The following MYCBP2 variants were observed in gnomAD, a reference collection of about 807,000 sequenced individuals.
The protein encoded by MYCBP2 is MYC binding protein 2.
Under a neutral mutation model 525.3 loss-of-function variants are expected in MYCBP2, and 120 were observed. The ratio of observed to expected loss-of-function variants is 0.23; its 90% CI spans 0.20 to 0.27. The LOEUF is 0.27. Ranked by LOEUF, MYCBP2 falls within the 10% of genes least tolerant of loss-of-function variation. MYCBP2 has a pLI of 1.00. For synonymous variants in MYCBP2, 1,894 were observed against 1,955.8 expected, an observed-to-expected ratio of 0.97 and a Z score of 0.83; for missense variants, 4,149 against 5,657.1, an observed-to-expected ratio of 0.73 and a Z score of 8.55.
At chr13:77,118,913 A>AT (rs2154154867) in intron 55 of MYCBP2, among the ~76,000 whole-genome samples, 1 of 152,328 alleles carries the variant, frequency 6.6e-6, no homozygotes, top group East Asian at 1.9e-4. Flanking sequence ...CATCGGCAGT[A>AT]TATTTCATGC....
Position 77,076,816 on chromosome 13 carries a change from G to A in MYCBP2, c.11758C>T (p.Pro3920Ser). ...FGKLISGDAE[P>S]TPEQEEKALL... ...GCTTTTTCCTCTTGTTCTGGTGTAG[G>A]TTCAGCATCTCCAGAGATGAGCTTT... Residue 3920 changes from proline to serine, a missense_variant, in exon 68 of 83, where the codon CCT (proline) becomes TCT (serine). Transcript: ENST00000544440. 1 of 1,612,984 alleles carries A rather than the reference G, an allele frequency of 6.2e-7. No individual in the cohort carries two copies. The highest frequency in any genetic ancestry group is 8.5e-7 in the Non-Finnish European group (1 of 1,179,354).
intron 55 of MYCBP2, among the ~76,000 whole-genome samples, chr13:77,111,133 G>T (rs933022307): frequency 6.6e-6 from 1 of 152,092 alleles, no homozygotes; most frequent in Non-Finnish European, 1.5e-5. Context: ...CCTAAATTGA[G>T]TGCAAAATCA....
intron 26 of MYCBP2, among the ~76,000 whole-genome samples, chr13:77,201,541 A>G (rs1270455768): frequency 6.6e-6 from 1 of 151,978 alleles, no homozygotes; most frequent in Non-Finnish European, 1.5e-5. Flanking sequence ...CACCAAGCGG[A>G]CCTAATAGAC....
chr13:77,050,692 GTAA>G (rs1243792325), intron 82 of MYCBP2, among the ~76,000 whole-genome samples: 1 of 151,242 alleles, frequency 6.6e-6, no homozygotes, highest in African/African-American at 2.4e-5. Flanking sequence ...AAATGGTTCT[GTAA>G]TATTGAACTT....
intron 1 of MYCBP2, among the ~76,000 whole-genome samples, chr13:77,312,106 C>T (rs2080319731): frequency 6.6e-6 from 1 of 151,982 alleles, no homozygotes; most frequent in Non-Finnish European, 1.5e-5. Flanking sequence ...TTGAGGTGCT[C>T]AAGGAAGCAA....
chr13:77,065,194 C>T (rs1321274499), intron 72 of MYCBP2, among the ~76,000 whole-genome samples: 1 of 152,172 alleles, frequency 6.6e-6, no homozygotes, highest in East Asian at 1.9e-4. Context: ...AAACATTTAA[C>T]TATCATATAA....
chr13:77,233,501 A>G (rs2067426575), intron 17 of MYCBP2, among the ~76,000 whole-genome samples: 1 of 143,944 alleles, frequency 6.9e-6, no homozygotes, highest in Non-Finnish European at 1.5e-5. Flanking sequence ...CGTCTTGTAT[A>G]CTCATAAAAT....
intron 5 of MYCBP2, among the ~76,000 whole-genome samples, chr13:77,271,709 T>C (rs1446443125): frequency 1.3e-5 from 2 of 152,232 alleles, no homozygotes; most frequent in Non-Finnish European, 2.9e-5. Flanking sequence ...TTGCTCCTCC[T>C]TGCCTTCCAC....
chr13:77,094,610 G>A (rs1007301826), intron 58 of MYCBP2, among the ~76,000 whole-genome samples: 3 of 152,112 alleles, frequency 2.0e-5, no homozygotes, highest in Non-Finnish European at 4.4e-5. Context: ...AACAACCCGT[G>A]ATTCCTGAAA....
At chr13:77,153,109 A>G (rs541972701) in intron 46 of MYCBP2, among the ~76,000 whole-genome samples, 1 of 151,372 alleles carries the variant, frequency 6.6e-6, no homozygotes, top group African/African-American at 2.4e-5. Flanking sequence ...TCACGCATTC[A>G]TCGCGTTTCA....
intron 2 of MYCBP2, among the ~76,000 whole-genome samples, chr13:77,294,115 T>TACATATATATATATATATATATATAC (rs1382628273): frequency 1.9e-5 from 1 of 53,798 alleles, no homozygotes; most frequent in African/African-American, 4.7e-5. Flanking sequence ...TATATATATA[T>TACATATATATATATATATATATATAC]ATATATATAT....
Position 77,269,723 on chromosome 13 carries a change from A to G in MYCBP2, c.1260+269T>C, listed in dbSNP as rs908484791. Among the ~76,000 whole-genome samples, 10 of 152,166 alleles carry G rather than the reference A, an allele frequency of 6.6e-5. 1 individual carries two copies. Among genetic ancestry groups the G allele is most frequent in the Admixed American group, 2.6e-4 (4 of 15,272 alleles). Reference sequence around the variant, plus strand: ...CTCTAAAGAAGGTATGTTTAATCCCATATTAAAGCTAAATAACAGAGGACC... The same window carrying G: ...CTCTAAAGAAGGTATGTTTAATCCCGTATTAAAGCTAAATAACAGAGGACC... On this transcript the variant is annotated intron_variant, in intron 7 of 82. Coordinates refer to ENST00000544440, the MANE Select transcript of MYCBP2 (RefSeq NM_015057.5).
chr13:77,188,963 T>C lies in MYCBP2; in HGVS notation c.4239A>G (p.Arg1413=), dbSNP rs2061027085. 7 of 1,597,866 alleles carry C rather than the reference T, an allele frequency of 4.4e-6. No individual in the cohort carries two copies. The South Asian group carries it at 5.6e-5, about 13-fold the overall frequency. ...AAACATGGCTTACCACTGAGACAGTTCTTGCAAAAGACCTCTTTAAAATGT... is the reference window on the plus strand; with the variant it reads ...AAACATGGCTTACCACTGAGACAGTCCTTGCAAAAGACCTCTTTAAAATGT... ...PVHILKRSFA[R]TVSVECFESL... is the part of the protein sequence containing the mutation. The change falls in exon 30 of 83, where the codon AGA becomes AGG. Residue 1413 remains arginine, a synonymous_variant. Transcript: ENST00000544440.
intron 52 of MYCBP2, among the ~76,000 whole-genome samples, chr13:77,131,065 G>A (rs1243195918): frequency 1.3e-5 from 2 of 152,126 alleles, no homozygotes; most frequent in Non-Finnish European, 2.9e-5. Flanking sequence ...CATGTAAATT[G>A]AAACTTTATA....
At chr13:77,217,778 T>C (rs2065025294) in intron 21 of MYCBP2, 62 bp downstream of exon 21, 1 of 1,012,446 alleles carries the variant, frequency 9.9e-7, no homozygotes, top group Non-Finnish European at 1.5e-6. Flanking sequence ...AAAGAGCTAA[T>C]ATAGACAAAT....
At chr13:77,089,900 C>T (rs1464536521) in intron 60 of MYCBP2, among the ~76,000 whole-genome samples, 1 of 152,082 alleles carries the variant, frequency 6.6e-6, no homozygotes, top group African/African-American at 2.4e-5. Context: ...ACTGAATGAT[C>T]TCCAGATTTC....
Position 77,088,956 on chromosome 13 carries a change from T to G in MYCBP2, c.10601A>C (p.Lys3534Thr), listed in dbSNP as rs760724677. Residue 3534 changes from lysine to threonine, a missense_variant, in exon 61 of 83, where the codon AAA (lysine) becomes ACA (threonine). Physicochemically the swap from Lys to Thr is moderately conservative, Grantham distance 78. Transcript: ENST00000544440. ...TGGCCACTGGAAATTTCGTTCTCCTTTAGAAAGAGAGCTGTGGGCTGAGAT... is the reference window on the plus strand; with the variant it reads ...TGGCCACTGGAAATTTCGTTCTCCTGTAGAAAGAGAGCTGTGGGCTGAGAT... ...RLISAHSSLS[K>T]GERNFQWPVL... 9 of 1,613,374 alleles carry G rather than the reference T, an allele frequency of 5.6e-6. No homozygotes were observed.
At chr13:77,074,044 C>G (rs1350150599) in intron 68 of MYCBP2, among the ~76,000 whole-genome samples, 1 of 122,234 alleles carries the variant, frequency 8.2e-6, no homozygotes, top group Non-Finnish European at 1.6e-5. Context: ...CAAGCTGATT[C>G]TAAGCTTTAT....
At position 77,166,676 on chromosome 13, in the gene MYCBP2, A is replaced by C. The variant is rs188187944; in HGVS notation, c.6115-122T>G. The C allele has an allele frequency of 8.1e-3, 4,371 of 537,730 alleles. 26 individuals are homozygous for C. The highest frequency in any genetic ancestry group is 0.011 in the South Asian group (200 of 17,578). 33.3% of individuals were successfully genotyped at this position (537,730 alleles called of 1,614,324 possible). On this transcript the variant is annotated intron_variant, in intron 40 of 82. Transcript: ENST00000544440. ...AAATGACACAACAGGATAAAGTACA[A>C]AATTAAAATAGAATAAAATGTTACC...
Sources: allele counts gnomAD v4.1 joint callset (sites outside exome capture counted in the v4.1 genomes callset), GRCh38; gene constraint gnomAD v4.1.1; transcripts MANE v1.5; gene names NCBI Gene and HGNC (gene_info 2026-07-23, HGNC 2026-07-21).